The following BCAS4 variants were observed in gnomAD, a reference collection of about 807,000 sequenced individuals.
The protein encoded by BCAS4 is breast carcinoma amplified sequence 4, also known as breast carcinoma-amplified sequence 4.
Under a neutral mutation model 15.7 loss-of-function variants are expected in BCAS4, and 9 were observed. The observed-to-expected ratio is 0.57, with a 90% CI of 0.34 to 1.00. BCAS4 has a LOEUF of 1.00. Ranked by LOEUF, BCAS4 falls within the 50% of genes least tolerant of loss-of-function variation. The probability of loss-of-function intolerance (pLI) is 0.02; values close to 1 mark genes in which losing one functional copy is unlikely to be tolerated. For missense variants in BCAS4, 225 were observed against 239.1 expected (o/e 0.94, Z 0.39); for synonymous variants, 101 against 99.5 (o/e 1.02, Z -0.09).
At position 50,861,300 on chromosome 20, in the gene BCAS4, G is replaced by C. The variant is rs1256799540; in HGVS notation, c.400-15186G>C. Among the ~76,000 whole-genome samples the C allele has an allele frequency of 8.5e-5, 13 of 152,204 alleles. No individual in the cohort carries two copies. In the East Asian group the frequency reaches 2.5e-3, roughly 29 times the overall value. ...CTGACCAGCTGCAGCATCGGTGTGG[G>C]CATGGACTAGGAAGCAGGCTCGGGA... On this transcript the variant is annotated intron_variant, in intron 4 of 4. Coordinates refer to ENST00000371608, the MANE Select transcript of BCAS4 (RefSeq NM_198799.4).
rs560417515 is a variant in BCAS4 at position 50,847,452 on chromosome 20, G to A, written c.399+5552G>A. ...ACAGACTCAACACTTAGTGCTCAGC[G>A]GTGAGCGGGAATCACGGGGCAGCTG... On this transcript the variant is annotated intron_variant, in intron 4 of 4. Coordinates refer to ENST00000371608, the MANE Select transcript of BCAS4 (RefSeq NM_198799.4). Among the ~76,000 whole-genome samples, 25 of 152,308 alleles carry A rather than the reference G, an allele frequency of 1.6e-4. No individual in the cohort carries two copies. In the South Asian group the frequency reaches 5.2e-3, roughly 32 times the overall value.
chr20:50,845,170 TG>T (rs1197376953), intron 4 of BCAS4, among the ~76,000 whole-genome samples: 10 of 152,080 alleles, frequency 6.6e-5, no homozygotes, highest in Non-Finnish European at 1.5e-4. Context: ...GGGGTTAAGT[TG>T]CTTGCCCACC....
chr20:50,842,513 G>A (rs537835039), intron 4 of BCAS4, among the ~76,000 whole-genome samples: 2 of 152,032 alleles, frequency 1.3e-5, no homozygotes, highest in African/African-American at 2.4e-5. Flanking sequence ...GGCCTCCTGG[G>A]TTCAAGTGAT....
intron 4 of BCAS4, chr20:50,876,132 G>C: frequency 2.4e-6 from 1 of 411,434 alleles, no homozygotes; most frequent in Non-Finnish European, 4.8e-6. Context: ...TGTATTTTTA[G>C]TAGAGACAGG....
chr20:50,873,159 C>T (rs1409424777), intron 4 of BCAS4, among the ~76,000 whole-genome samples: 4 of 152,200 alleles, frequency 2.6e-5, no homozygotes, highest in Admixed American at 6.5e-5. Context: ...CTAGAGCTGC[C>T]GGCGGCCTCT....
chr20:50,812,299 A>ATT (rs1038583586), intron 1 of BCAS4, among the ~76,000 whole-genome samples: 2 of 151,502 alleles, frequency 1.3e-5, no homozygotes, highest in Non-Finnish European at 2.9e-5. Flanking sequence ...CGCCCGGCTA[A>ATT]TTTTTTGTAT....
chr20:50,864,753 C>G (rs1221159428), intron 4 of BCAS4, among the ~76,000 whole-genome samples: 1 of 151,994 alleles, frequency 6.6e-6, no homozygotes, highest in Non-Finnish European at 1.5e-5. Context: ...TGTGTTATTC[C>G]CCCGGCACTT....
At chr20:50,796,921 C>A (rs1352690753) in intron 1 of BCAS4, among the ~76,000 whole-genome samples, 1 of 151,826 alleles carries the variant, frequency 6.6e-6, no homozygotes, top group East Asian at 1.9e-4. Context: ...GCCTCAACCT[C>A]CTGGGCTCAA....
chr20:50,870,657 A>G (rs1176524859), intron 4 of BCAS4, among the ~76,000 whole-genome samples: 1 of 152,256 alleles, frequency 6.6e-6, no homozygotes, highest in African/African-American at 2.4e-5. Context: ...TGATTTTCCA[A>G]GAGAAACCGG....
intron 1 of BCAS4, among the ~76,000 whole-genome samples, chr20:50,800,912 C>T (rs1188156912): frequency 1.3e-5 from 2 of 152,078 alleles, no homozygotes; most frequent in African/African-American, 4.8e-5. Context: ...AATATTTCTC[C>T]AAACTCTGTA....
rs188873966 is a variant in BCAS4, at chr20:50,812,420, T to C, written c.91-5791T>C. Among the ~76,000 whole-genome samples the C allele has an allele frequency of 1.2e-3, 172 of 140,544 alleles. 1 individual carries two copies. The highest frequency in any genetic ancestry group is 2.8e-3 in the East Asian group (13 of 4,610). The allele number at this position is 140,544 out of a possible 152,430, so 92.2% of individuals were successfully genotyped here. On this transcript the variant is annotated intron_variant, in intron 1 of 4. Transcript: ENST00000371608. ...AAGTACTGGGATTACAGGCGTGAGC[T>C]ACTGCGTCTGGCCTTTTTTTTTTTT...
At chr20:50,828,961 C>T (rs1182692697) in intron 2 of BCAS4, among the ~76,000 whole-genome samples, 4 of 152,192 alleles carry the variant, frequency 2.6e-5, no homozygotes. Flanking sequence ...GGACCATCGT[C>T]TTGCACCACT....
In BCAS4 at chr20:50,847,062, C is replaced by T. The variant is rs151036687; in HGVS notation, c.399+5162C>T. On this transcript the variant is annotated intron_variant, in intron 4 of 4. Coordinates refer to ENST00000371608, the MANE Select transcript of BCAS4 (RefSeq NM_198799.4). ...AAAATGATGAGGGCCCACGCTAAAGCAGAGGAGGAAAGCTCCGGAACTCTC... is the reference window on the plus strand; with the variant it reads ...AAAATGATGAGGGCCCACGCTAAAGTAGAGGAGGAAAGCTCCGGAACTCTC... Among the ~76,000 whole-genome samples the T allele has an allele frequency of 1.0e-3, 152 of 152,216 alleles. 3 individuals carry two copies. The East Asian group carries it at 0.027, about 27-fold the overall frequency.
At chr20:50,824,903 G>A (rs1449046274) in intron 2 of BCAS4, among the ~76,000 whole-genome samples, 1 of 152,166 alleles carries the variant, frequency 6.6e-6, no homozygotes, top group East Asian at 1.9e-4. Flanking sequence ...ATCTGGTTTG[G>A]TTTTACTTTT....
Position 50,800,527 on chromosome 20 carries a change from C to T in BCAS4, c.90+5354C>T, listed in dbSNP as rs139326125. Among the ~76,000 whole-genome samples the T allele has an allele frequency of 2.6e-3, 392 of 151,168 alleles. 1 individual carries two copies. The highest frequency in any genetic ancestry group is 9.2e-3 in the African/African-American group (380 of 41,222). On this transcript the variant is annotated intron_variant, in intron 1 of 4. Transcript: ENST00000371608. Reference sequence around the variant, plus strand: ...CCTCGGGTTTTCTGTTCAACTAGTTCCCTGCCACCCCTCTTTCTGGTTTGA... The same window carrying T: ...CCTCGGGTTTTCTGTTCAACTAGTTTCCTGCCACCCCTCTTTCTGGTTTGA...
chr20:50,802,370 G>A (rs1166062843), intron 1 of BCAS4, among the ~76,000 whole-genome samples: 1 of 152,158 alleles, frequency 6.6e-6, no homozygotes, highest in Admixed American at 6.5e-5. Flanking sequence ...GGAGCCAGGG[G>A]CAAGGCAGGT....
rs191926258 is a variant in BCAS4 at position 50,836,108 on chromosome 20, G to A, written c.265-5658G>A. On this transcript the variant is annotated intron_variant, in intron 3 of 4. Coordinates refer to ENST00000371608, the MANE Select transcript of BCAS4 (RefSeq NM_198799.4). ...AACTTTTGTAGTTTTAGTAGAGACG[G>A]AGTTTCACCATGTTAGTCAGGCTGG... Among the ~76,000 whole-genome samples the A allele has an allele frequency of 2.7e-3, 408 of 152,232 alleles. 5 individuals are homozygous for A. The highest frequency in any genetic ancestry group is 0.022 in the Admixed American group (332 of 15,286).
At chr20:50,815,934 C>T (rs1261731255) in intron 1 of BCAS4, among the ~76,000 whole-genome samples, 1 of 152,108 alleles carries the variant, frequency 6.6e-6, no homozygotes. Flanking sequence ...AACTTTCTTC[C>T]TGAATGCTGG....
intron 2 of BCAS4, among the ~76,000 whole-genome samples, chr20:50,823,463 G>A (rs1424075666): frequency 1.3e-5 from 2 of 152,110 alleles, no homozygotes; most frequent in Admixed American, 6.6e-5. Context: ...ATACTACACA[G>A]CAATGAAAAA....
Sources: allele counts gnomAD v4.1 joint callset (sites outside exome capture counted in the v4.1 genomes callset), GRCh38; gene constraint gnomAD v4.1.1; transcripts MANE v1.5; gene names NCBI Gene and HGNC (gene_info 2026-07-23, HGNC 2026-07-21).